The following RSRC1 variants were observed in gnomAD, a reference collection of about 807,000 sequenced individuals.
RSRC1 encodes the protein serine/Arginine-related protein 53.
Under a neutral mutation model 49.1 loss-of-function variants are expected in RSRC1, and 39 were observed. The observed-to-expected ratio is 0.79, with a 90% CI of 0.61 to 1.04. The LOEUF is 1.04. Among genes scored for constraint, RSRC1 ranks in the 50% least tolerant of loss-of-function variants. The pLI, the probability that RSRC1 is intolerant of heterozygous loss-of-function variation, is 0.00. For missense variants in RSRC1, 388 were observed against 402.4 expected (o/e 0.96, Z 0.31); for synonymous variants, 143 against 130.8 (o/e 1.09, Z -0.63).
chr3:158,515,368 G>T (rs951586494), intron 7 of RSRC1, among the ~76,000 whole-genome samples: 44 of 126,520 alleles, frequency 3.5e-4, no homozygotes, highest in Admixed American at 2.8e-3. Flanking sequence ...AGCTTAGTTT[G>T]GCTGGATATG....
chr3:158,284,016 T>A (rs1187869324), intron 4 of RSRC1, among the ~76,000 whole-genome samples: 2 of 151,844 alleles, frequency 1.3e-5, no homozygotes, highest in African/African-American at 4.8e-5. Context: ...GCATTAGGTA[T>A]ATCTCCTAAT....
At chr3:158,529,942 G>T (rs1712283556) in intron 7 of RSRC1, among the ~76,000 whole-genome samples, 1 of 151,828 alleles carries the variant, frequency 6.6e-6, no homozygotes, top group Admixed American at 6.6e-5. Context: ...GTAGACTCCA[G>T]TGCCTTGGTG....
intron 7 of RSRC1, among the ~76,000 whole-genome samples, chr3:158,516,422 C>T (rs1341650681): frequency 6.6e-6 from 1 of 152,090 alleles, no homozygotes; most frequent in East Asian, 1.9e-4. Context: ...GGTCAGGGGT[C>T]AGGGACCCAC....
intron 3 of RSRC1, among the ~76,000 whole-genome samples, chr3:158,194,078 C>T (rs933556255): frequency 4.7e-5 from 7 of 149,764 alleles, no homozygotes; most frequent in African/African-American, 1.7e-4. Flanking sequence ...CACACACACA[C>T]ACACACACAC....
intron 5 of RSRC1, among the ~76,000 whole-genome samples, chr3:158,300,097 A>G (rs1473412134): frequency 6.6e-6 from 1 of 152,178 alleles, no homozygotes; most frequent in Non-Finnish European, 1.5e-5. Flanking sequence ...TTTCATTTTT[A>G]CTTATGTCAT....
At chr3:158,387,622 A>C (rs1438290844) in intron 6 of RSRC1, among the ~76,000 whole-genome samples, 1 of 152,160 alleles carries the variant, frequency 6.6e-6, no homozygotes, top group Non-Finnish European at 1.5e-5. Context: ...AATAATTTAA[A>C]CTACTGTGAA....
intron 3 of RSRC1, among the ~76,000 whole-genome samples, chr3:158,129,392 G>C (rs930528833): frequency 2.8e-5 from 4 of 145,358 alleles, no homozygotes; most frequent in Non-Finnish European, 6.0e-5. Context: ...CTGGGTTCAA[G>C]TGATTCTCGT....
chr3:158,509,166 A>G (rs1740023417), intron 7 of RSRC1, among the ~76,000 whole-genome samples: 1 of 152,118 alleles, frequency 6.6e-6, no homozygotes, highest in African/African-American at 2.4e-5. Context: ...TTTTGAGTTC[A>G]TTTTTGTGTA....
intron 6 of RSRC1, among the ~76,000 whole-genome samples, chr3:158,448,045 T>G (rs903370408): frequency 6.6e-6 from 1 of 151,856 alleles, no homozygotes; most frequent in Non-Finnish European, 1.5e-5. Context: ...TCACAAGGAA[T>G]AATTCTGTAG....
chr3:158,438,699 C>T (rs2108368696), intron 6 of RSRC1, among the ~76,000 whole-genome samples: 1 of 152,180 alleles, frequency 6.6e-6, no homozygotes, highest in East Asian at 1.9e-4. Context: ...AATGTTAGAC[C>T]TAAAACCATA....
chr3:158,326,411 C>T (rs1241756011), intron 5 of RSRC1, among the ~76,000 whole-genome samples: 2 of 152,104 alleles, frequency 1.3e-5, no homozygotes, highest in East Asian at 3.9e-4. Flanking sequence ...TCCATCAATA[C>T]CTGACTTATT....
intron 7 of RSRC1, among the ~76,000 whole-genome samples, chr3:158,483,042 G>T (rs1379771296): frequency 6.6e-6 from 1 of 151,982 alleles, no homozygotes; most frequent in Non-Finnish European, 1.5e-5. Flanking sequence ...ATTAGAGACT[G>T]GGGGGCTTGT....
At chr3:158,185,346 G>A (rs1345118441) in intron 3 of RSRC1, among the ~76,000 whole-genome samples, 5 of 151,864 alleles carry the variant, frequency 3.3e-5, no homozygotes, top group African/African-American at 9.7e-5. Flanking sequence ...AGAGATGGGC[G>A]ATGCAGGAAT....
In RSRC1 at chr3:158,192,434, C is replaced by T. The variant is rs150921501; in HGVS notation, c.321-10638C>T. Among the ~76,000 whole-genome samples, 165 of 152,024 alleles carry T rather than the reference C, an allele frequency of 1.1e-3. 1 individual carries two copies. The highest frequency in any genetic ancestry group is 3.9e-3 in the African/African-American group (161 of 41,468). On this transcript the variant is annotated intron_variant, in intron 3 of 9. Transcript: ENST00000611884. ...AGGCATATGTTTTCTATAGTAGAGTCCTTGTGTTAGGGAAAACTGTGAGAT... is the reference window on the plus strand; with the variant it reads ...AGGCATATGTTTTCTATAGTAGAGTTCTTGTGTTAGGGAAAACTGTGAGAT...
intron 6 of RSRC1, among the ~76,000 whole-genome samples, chr3:158,446,669 T>A (rs1736738910): frequency 6.6e-6 from 1 of 152,076 alleles, no homozygotes; most frequent in African/African-American, 2.4e-5. Flanking sequence ...CTGAATTTAG[T>A]TACTTGAGTG....
At chr3:158,418,388 C>T (rs1578450331) in intron 6 of RSRC1, among the ~76,000 whole-genome samples, 1 of 152,088 alleles carries the variant, frequency 6.6e-6, no homozygotes, top group African/African-American at 2.4e-5. Flanking sequence ...CTTGTTTTTA[C>T]AATAATACTT....
chr3:158,196,275 G>A (rs201878494), intron 3 of RSRC1, among the ~76,000 whole-genome samples: 11,552 of 151,848 alleles, frequency 0.076, 530 homozygotes, highest in South Asian at 0.13. Context: ...GTGAATGGGA[G>A]TTCACTCATG....
At chr3:158,524,000 T>C (rs1711857967) in intron 7 of RSRC1, among the ~76,000 whole-genome samples, 1 of 152,090 alleles carries the variant, frequency 6.6e-6, no homozygotes. Context: ...CACTTCCTCC[T>C]GGTTGCCATT....
chr3:158,255,983 A>C (rs1048132963), intron 4 of RSRC1, among the ~76,000 whole-genome samples: 3 of 152,116 alleles, frequency 2.0e-5, no homozygotes, highest in African/African-American at 7.2e-5. Flanking sequence ...GGGATTTCTA[A>C]GTGTACAATC....
Sources: gnomAD v4.1 joint callset for allele counts (sites outside exome capture counted in the v4.1 genomes callset) on GRCh38, gnomAD v4.1.1 for gene constraint, MANE v1.5 for transcripts, NCBI Gene and HGNC (gene_info 2026-07-23, HGNC 2026-07-21) for gene names.